Variants in CWF19L2 observed in about 807,000 individuals in gnomAD.
The protein encoded by CWF19L2 is CWF19 like cell cycle control factor 2.
CWF19L2 carries 98 observed loss-of-function variants against 111.7 expected under a neutral mutation model. The observed-to-expected ratio is 0.88, with a 90% CI of 0.75 to 1.04. The LOEUF (loss-of-function observed/expected upper bound fraction) is 1.04, where lower values mean the gene tolerates loss of function less well. Ranked by LOEUF, CWF19L2 falls within the 50% of genes least tolerant of loss-of-function variation. CWF19L2 has a pLI of 0.00. For missense variants in CWF19L2, 1,101 were observed against 1,051.4 expected (o/e 1.05, Z -0.65); for synonymous variants, 351 against 342.9 (o/e 1.02, Z -0.26).
chr11:107,443,641 GCA>G (rs35885031), intron 3 of CWF19L2, among the ~76,000 whole-genome samples: 27,027 of 152,066 alleles, frequency 0.18, 2,578 homozygotes, highest in Middle Eastern at 0.27. Flanking sequence ...CCTCACTTCA[GCA>G]CAGAGCTTCA....
intron 7 of CWF19L2, among the ~76,000 whole-genome samples, chr11:107,432,023 T>C (rs192535706): frequency 1.4e-4 from 21 of 152,066 alleles, no homozygotes; most frequent in African/African-American, 4.3e-4. Context: ...ATTTTTACGA[T>C]TGTGGGGTGG....
At chr11:107,361,706 T>C (rs934972275) in intron 12 of CWF19L2, among the ~76,000 whole-genome samples, 1 of 152,234 alleles carries the variant, frequency 6.6e-6, no homozygotes, top group Non-Finnish European at 1.5e-5. Flanking sequence ...TGGTTAAATA[T>C]ATTCCTAGGT....
chr11:107,438,330 A>G (rs1861570951), intron 6 of CWF19L2, among the ~76,000 whole-genome samples: 1 of 152,236 alleles, frequency 6.6e-6, no homozygotes, highest in Non-Finnish European at 1.5e-5. Flanking sequence ...TGCTTACGTG[A>G]CATTTAAATA....
chr11:107,336,468 G>A, intron 15 of CWF19L2, 90 bp downstream of exon 15: 5 of 1,060,454 alleles, frequency 4.7e-6, no homozygotes, highest in Admixed American at 2.8e-5. Context: ...TAAGTATATA[G>A]GAGAAAAATA....
At chr11:107,414,189 T>C (rs534938600) in intron 10 of CWF19L2, among the ~76,000 whole-genome samples, 1 of 152,186 alleles carries the variant, frequency 6.6e-6, no homozygotes, top group Non-Finnish European at 1.5e-5. Flanking sequence ...AGTGTTTTTA[T>C]TTATTTATTT....
At chr11:107,337,127 C>G (rs1217754905) in intron 14 of CWF19L2, among the ~76,000 whole-genome samples, 2 of 152,190 alleles carry the variant, frequency 1.3e-5, no homozygotes, top group African/African-American at 4.8e-5. Flanking sequence ...GAATTCACTT[C>G]CAATTGTTTT....
intron 14 of CWF19L2, among the ~76,000 whole-genome samples, chr11:107,339,375 T>G (rs1337180681): frequency 6.6e-6 from 1 of 152,184 alleles, no homozygotes; most frequent in Non-Finnish European, 1.5e-5. Context: ...AGTCCTATGA[T>G]AGTTGCATAT....
intron 4 of CWF19L2, among the ~76,000 whole-genome samples, chr11:107,442,341 C>A (rs1861629789): frequency 6.6e-6 from 1 of 152,108 alleles, no homozygotes; most frequent in Non-Finnish European, 1.5e-5. Flanking sequence ...AATCATCTTT[C>A]ATTTTCATAT....
chr11:107,441,370 T>G, intron 5 of CWF19L2, 133 bp downstream of exon 5: 1 of 686,536 alleles, frequency 1.5e-6, no homozygotes, highest in South Asian at 4.0e-5. Flanking sequence ...ATTTCATAGT[T>G]GTTCTCACTA....
At chr11:107,370,294 C>T (rs2134569478) in intron 12 of CWF19L2, among the ~76,000 whole-genome samples, 2 of 136,860 alleles carry the variant, frequency 1.5e-5, no homozygotes, top group Middle Eastern at 7.6e-3. Context: ...ACTAACCAAG[C>T]CTGTTTAAAA....
intron 16 of CWF19L2, among the ~76,000 whole-genome samples, chr11:107,332,045 T>C (rs927911478): frequency 1.3e-5 from 2 of 152,160 alleles, no homozygotes; most frequent in Admixed American, 6.5e-5. Context: ...GGTAGAAAAA[T>C]AGACATATTT....
Position 107,429,273 on chromosome 11 carries a change from G to A in CWF19L2, c.959C>T (p.Thr320Ile), listed in dbSNP as rs763984336. 4 of 1,613,072 alleles carry A rather than the reference G, an allele frequency of 2.5e-6. No individual in the cohort carries two copies. The highest frequency in any genetic ancestry group is 1.1e-5 in the South Asian group (1 of 90,950). The change falls in exon 8 of 18, where the codon ACA (threonine) becomes ATA (isoleucine). Residue 320 changes from threonine (T) to isoleucine (I), a missense_variant. Physicochemically the swap from Thr to Ile is moderately conservative, Grantham distance 89. Transcript: ENST00000282251. ...YGNSSRDRYA[T>I]TDTAKNSNNE... ...ATTGCTATTTTTTGCAGTATCTGTT[G>A]TAGCATATCTATCCCTTGAACTGTT... is the stretch of plus-strand genomic sequence containing the variant.
intron 7 of CWF19L2, among the ~76,000 whole-genome samples, chr11:107,432,718 T>G (rs899107412): frequency 6.6e-6 from 1 of 152,244 alleles, no homozygotes; most frequent in Non-Finnish European, 1.5e-5. Flanking sequence ...ATAAAAGAGA[T>G]ATTTTTAAGT....
At chr11:107,346,444 G>C (rs1292932111) in intron 14 of CWF19L2, among the ~76,000 whole-genome samples, 1 of 152,126 alleles carries the variant, frequency 6.6e-6, no homozygotes, top group Non-Finnish European at 1.5e-5. Context: ...TGACTTAAAT[G>C]CTAGAAAGTT....
chr11:107,336,841 A>T (rs1191854263), intron 14 of CWF19L2, 128 bp from the exon 15 acceptor site: 3 of 571,810 alleles, frequency 5.2e-6, no homozygotes, highest in Non-Finnish European at 8.9e-6. Context: ...AAAAATAAAT[A>T]AAATAAACAG....
intron 11 of CWF19L2, among the ~76,000 whole-genome samples, chr11:107,392,066 C>T (rs1460480800): frequency 6.6e-6 from 1 of 151,970 alleles, no homozygotes; most frequent in African/African-American, 2.4e-5. Flanking sequence ...CCACCAAATT[C>T]CTCCCATTAC....
rs1860038411 is a variant in CWF19L2 at position 107,343,724 on chromosome 11, A to G, written c.2202+5213T>C. ...TTTATTTAGTGTTTTTCAGTCTGTC[A>G]ATTTGTATAGTTTTTAAAGTGATTC... On this transcript the variant is annotated intron_variant, in intron 14 of 17. Coordinates refer to ENST00000282251, the MANE Select transcript of CWF19L2 (RefSeq NM_152434.3). Among the ~76,000 whole-genome samples, 3 of 151,930 alleles carry G rather than the reference A, an allele frequency of 2.0e-5. No individual in the cohort carries two copies. In the South Asian group the frequency reaches 6.2e-4, roughly 31 times the overall value.
At chr11:107,403,764 G>C (rs1861040591) in intron 10 of CWF19L2, 1 of 913,014 alleles carries the variant, frequency 1.1e-6, no homozygotes, top group South Asian at 1.3e-5. Context: ...TCCTCTGCCT[G>C]TGCAATCTCA....
chr11:107,391,391 T>C (rs1436923896), intron 11 of CWF19L2, among the ~76,000 whole-genome samples: 3 of 152,174 alleles, frequency 2.0e-5, no homozygotes, highest in African/African-American at 7.2e-5. Flanking sequence ...CATCAGACAA[T>C]GAAGCTGCCA....
Sources: allele counts gnomAD v4.1 joint callset (sites outside exome capture counted in the v4.1 genomes callset), GRCh38; gene constraint gnomAD v4.1.1; transcripts MANE v1.5; gene names NCBI Gene and HGNC (gene_info 2026-07-23, HGNC 2026-07-21).